Variants in SLC44A1 observed in about 807,000 individuals in gnomAD.
The protein encoded by SLC44A1 is choline transporter-like protein 1.
SLC44A1 carries 26 observed loss-of-function variants against 79.3 expected under a neutral mutation model. That is an observed-to-expected ratio of 0.33 (90% CI 0.24 to 0.46). The LOEUF (loss-of-function observed/expected upper bound fraction) is 0.46, where lower values mean the gene tolerates loss of function less well. SLC44A1 is among the 20% of genes least tolerant of loss of function. SLC44A1 has a pLI of 1.00. For synonymous variants in SLC44A1, 263 were observed against 286.2 expected, an observed-to-expected ratio of 0.92 and a Z score of 0.82; for missense variants, 688 against 798.1, an observed-to-expected ratio of 0.86 and a Z score of 1.66.
At chr9:105,268,509 T>G (rs763166827) in intron 1 of SLC44A1, among the ~76,000 whole-genome samples, 13 of 151,720 alleles carry the variant, frequency 8.6e-5, no homozygotes, top group Non-Finnish European at 1.6e-4. Context: ...TTAACGATCT[T>G]CTTTTTTTTT....
At chr9:105,373,076 T>G (rs1828162540) in intron 12 of SLC44A1, among the ~76,000 whole-genome samples, 1 of 152,222 alleles carries the variant, frequency 6.6e-6, no homozygotes, top group African/African-American at 2.4e-5. Context: ...TTTTGGTAAT[T>G]CAAACCTCAT....
rs538814308 is a variant in SLC44A1, at chr9:105,376,518, C to T, written c.1632+1783C>T. On this transcript the variant is annotated intron_variant, in intron 13 of 15. Coordinates refer to ENST00000374720, the MANE Select transcript of SLC44A1 (RefSeq NM_080546.5). ...CCTCCCAAGTAGCTGGGACTACAGG[C>T]ATGCACCACCATGCCCATCTAATTT... 1.5e-3 allele frequency among the ~76,000 whole-genome samples: 222 copies of T among 152,176 alleles called. 2 individuals are homozygous for T. The highest frequency in any genetic ancestry group is 4.9e-3 in the African/African-American group (205 of 41,536).
At chr9:105,268,294 T>C (rs2131225232) in intron 1 of SLC44A1, among the ~76,000 whole-genome samples, 1 of 152,270 alleles carries the variant, frequency 6.6e-6, no homozygotes, top group African/African-American at 2.4e-5. Context: ...TCCTATCTTT[T>C]CCCACCACTG....
At chr9:105,246,005 G>A (rs1829436077) in intron 1 of SLC44A1, among the ~76,000 whole-genome samples, 1 of 152,166 alleles carries the variant, frequency 6.6e-6, no homozygotes, top group South Asian at 2.1e-4. Flanking sequence ...ATGAAAAATA[G>A]GCTCTGACAA....
chr9:105,270,829 T>C (rs1830059567), intron 1 of SLC44A1, among the ~76,000 whole-genome samples: 1 of 152,222 alleles, frequency 6.6e-6, no homozygotes, highest in Non-Finnish European at 1.5e-5. Flanking sequence ...GCCTGGTCAA[T>C]GTTTGTTGAA....
At chr9:105,353,168 GGTT>G (rs1193886183) in intron 5 of SLC44A1, among the ~76,000 whole-genome samples, 3 of 151,992 alleles carry the variant, frequency 2.0e-5, no homozygotes, top group South Asian at 2.1e-4. Context: ...TAGAGTATCA[GGTT>G]GTTGTTTTTT....
intron 3 of SLC44A1, among the ~76,000 whole-genome samples, chr9:105,314,657 T>C (rs930235241): frequency 8.5e-5 from 13 of 152,222 alleles, no homozygotes; most frequent in Admixed American, 3.9e-4. Context: ...GCCTCTCCAA[T>C]GTCAGATAAT....
chr9:105,246,114 G>T lies in SLC44A1; in HGVS notation c.36+1210G>T, dbSNP rs145054624. 4.2e-3 allele frequency among the ~76,000 whole-genome samples: 645 copies of T among 152,240 alleles called. 6 individuals carry two copies. Among genetic ancestry groups the T allele is most frequent in the African/African-American group, 0.015 (610 of 41,532 alleles). On this transcript the variant is annotated intron_variant, in intron 1 of 15. Coordinates refer to ENST00000374720, the MANE Select transcript of SLC44A1 (RefSeq NM_080546.5). ...GGGCAGAAAAGGGCTCTTGTTTTTA[G>T]AAATAAAGGATGGTTGGTTCTTGGT...
intron 1 of SLC44A1, among the ~76,000 whole-genome samples, chr9:105,261,347 CT>C (rs1829834459): frequency 6.6e-6 from 1 of 152,148 alleles, no homozygotes; most frequent in Admixed American, 6.5e-5. Flanking sequence ...TGCAACACAC[CT>C]CTTGTTTCTG....
chr9:105,275,819 T>A (rs1393987942), intron 1 of SLC44A1, among the ~76,000 whole-genome samples: 1 of 151,736 alleles, frequency 6.6e-6, no homozygotes, highest in Non-Finnish European at 1.5e-5. Flanking sequence ...TTTTTTTTTT[T>A]TTTGAGACGG....
chr9:105,431,739 G>A (rs7025836), intron 15 of SLC44A1, among the ~76,000 whole-genome samples: 12,754 of 152,136 alleles, frequency 0.084, 1,745 homozygotes, highest in African/African-American at 0.29. Flanking sequence ...ATTTTTAGGC[G>A]GGTATAACTC....
intron 12 of SLC44A1, among the ~76,000 whole-genome samples, chr9:105,368,883 C>G (rs950856121): frequency 3.3e-5 from 5 of 151,976 alleles, no homozygotes; most frequent in East Asian, 3.9e-4. Context: ...ACTAAAAATA[C>G]AAAAATTAGC....
chr9:105,252,832 C>T (rs1037619024), intron 1 of SLC44A1, among the ~76,000 whole-genome samples: 2 of 152,092 alleles, frequency 1.3e-5, no homozygotes, highest in African/African-American at 4.8e-5. Context: ...TTTTTGTTTT[C>T]TAATTTATTT....
chr9:105,365,376 T>C (rs1827907062), intron 10 of SLC44A1, 107 bp from the exon 11 acceptor site: 1 of 762,122 alleles, frequency 1.3e-6, no homozygotes. Flanking sequence ...AAAATAAGAA[T>C]GATGAGCTGA....
rs1233514305 is a variant in SLC44A1, at chr9:105,391,573, G to A, written c.*2517G>A. 1.0e-6 allele frequency: 1 copy of A among 985,052 alleles called. No homozygotes were observed. The highest frequency in any genetic ancestry group is 6.2e-5 in the Admixed American group (1 of 16,254). The allele number at this position is 985,052 out of a possible 1,614,324, so 61.0% of individuals were successfully genotyped here. ...TATGTGGAATATCACTCTTTCATGA[G>A]CTTTATTCCTTGATTAATTTGATAA... On this transcript the variant is annotated 3_prime_UTR_variant, in exon 16 of 16. Coordinates refer to ENST00000374720, the MANE Select transcript of SLC44A1 (RefSeq NM_080546.5).
At position 105,421,059 on chromosome 9, in the gene SLC44A1, G is replaced by A. The variant is rs566969922; in HGVS notation, c.1951-17222G>A. The stretch of plus-strand genomic sequence containing the variant: ...TATCCAGAGTTCCATAGGTTTAACC[G>A]TATCATATATTTTTAAAAGGCAGGT... On this transcript the variant is annotated intron_variant, in intron 15 of 15. Transcript: ENST00000374724. Among the ~76,000 whole-genome samples, 29 of 152,096 alleles carry A rather than the reference G, an allele frequency of 1.9e-4. No homozygotes were observed. In the East Asian group the frequency reaches 1.9e-3, roughly 10 times the overall value.
At chr9:105,267,122 TA>T (rs1485089653) in intron 1 of SLC44A1, among the ~76,000 whole-genome samples, 1 of 152,202 alleles carries the variant, frequency 6.6e-6, no homozygotes, top group African/African-American at 2.4e-5. Flanking sequence ...TTTTTATTTT[TA>T]TGTCACATAT....
intron 1 of SLC44A1, among the ~76,000 whole-genome samples, chr9:105,252,226 C>G (rs773008218): frequency 1.3e-5 from 2 of 152,160 alleles, no homozygotes; most frequent in African/African-American, 4.8e-5. Flanking sequence ...TACTCTGTGT[C>G]CCTTTACAGA....
chr9:105,305,550 A>G (rs1262751473), intron 2 of SLC44A1, among the ~76,000 whole-genome samples: 1 of 152,124 alleles, frequency 6.6e-6, no homozygotes, highest in Non-Finnish European at 1.5e-5. Flanking sequence ...CCAAGCACTG[A>G]TGAGATACGG....
Sources: gnomAD v4.1 joint callset for allele counts (sites outside exome capture counted in the v4.1 genomes callset) on GRCh38, gnomAD v4.1.1 for gene constraint, MANE v1.5 for transcripts, NCBI Gene and HGNC (gene_info 2026-07-23, HGNC 2026-07-21) for gene names.